RERE: variants seen among roughly 807,000 people sequenced by gnomAD.
RERE encodes arginine-glutamic acid dipeptide repeats protein.
RERE carries 40 observed loss-of-function variants against 146.1 expected under a neutral mutation model. The observed-to-expected ratio is 0.27, with a 90% CI of 0.21 to 0.36. RERE has a LOEUF of 0.36. Ranked by LOEUF, RERE falls within the 10% of genes least tolerant of loss-of-function variation. The probability of loss-of-function intolerance (pLI) is 1.00; values close to 1 mark genes in which losing one functional copy is unlikely to be tolerated. For synonymous variants in RERE, 1,003 were observed against 866.0 expected (o/e 1.16, Z -2.78); for missense variants, 1,933 against 2,138.7 (o/e 0.90, Z 1.90).
At chr1:8,578,472 T>C (rs1481878654) in intron 4 of RERE, among the ~76,000 whole-genome samples, 1 of 152,216 alleles carries the variant, frequency 6.6e-6, no homozygotes, top group African/African-American at 2.4e-5. Flanking sequence ...AATTCCATTA[T>C]GGTTTCTAAC....
chr1:8,759,571 C>A (rs543934751), intron 1 of RERE, among the ~76,000 whole-genome samples: 2 of 152,294 alleles, frequency 1.3e-5, no homozygotes, highest in South Asian at 4.1e-4. Context: ...TTTCTTCTCT[C>A]CTTTGGAGAA....
intron 2 of RERE, among the ~76,000 whole-genome samples, chr1:8,648,137 C>G (rs1647415688): frequency 6.6e-6 from 1 of 152,144 alleles, no homozygotes; most frequent in Non-Finnish European, 1.5e-5. Flanking sequence ...CTTCAAACAC[C>G]AAAGATTAGT....
At chr1:8,667,690 A>G (rs543171367) in intron 1 of RERE, among the ~76,000 whole-genome samples, 8 of 152,316 alleles carry the variant, frequency 5.3e-5, no homozygotes, top group African/African-American at 1.9e-4. Flanking sequence ...AAACAACAAC[A>G]ACAACAACAA....
intron 1 of RERE, among the ~76,000 whole-genome samples, chr1:8,740,190 T>C (rs1640280827): frequency 6.6e-6 from 1 of 152,318 alleles, no homozygotes; most frequent in East Asian, 1.9e-4. Flanking sequence ...CATCCTTGTG[T>C]GAACATGATA....
intron 1 of RERE, among the ~76,000 whole-genome samples, chr1:8,708,227 T>C (rs964503975): frequency 6.6e-6 from 1 of 152,214 alleles, no homozygotes; most frequent in Admixed American, 6.5e-5. Context: ...TGGAGATAAC[T>C]GAATCATGGG....
chr1:8,699,976 T>C (rs1639411944), intron 1 of RERE, among the ~76,000 whole-genome samples: 1 of 152,136 alleles, frequency 6.6e-6, no homozygotes, highest in Non-Finnish European at 1.5e-5. Context: ...CAGATTTCAA[T>C]CAAGTTTGTT....
chr1:8,500,595 CA>C (rs1170370059), intron 8 of RERE, among the ~76,000 whole-genome samples: 4 of 152,332 alleles, frequency 2.6e-5, no homozygotes, highest in African/African-American at 9.6e-5. Flanking sequence ...CTTGGCCCCC[CA>C]AAGTGCCGAG....
At chr1:8,750,150 C>CAAAAAAAAAAA (rs3045405) in intron 1 of RERE, among the ~76,000 whole-genome samples, 1 of 96,554 alleles carries the variant, frequency 1.0e-5, no homozygotes, top group African/African-American at 4.1e-5. Context: ...GCCTCTGTCT[C>CAAAAAAAAAAA]AAAAAAAAAA....
At chr1:8,385,974 A>G (rs1164400386) in intron 12 of RERE, among the ~76,000 whole-genome samples, 5 of 22,554 alleles carry the variant, frequency 2.2e-4, no homozygotes, top group Non-Finnish European at 3.2e-4. Flanking sequence ...GTCTTAAAAA[A>G]AAAAAAAAAA....
At chr1:8,505,243 C>T (rs556020991) in intron 8 of RERE, among the ~76,000 whole-genome samples, 1 of 152,284 alleles carries the variant, frequency 6.6e-6, no homozygotes, top group African/African-American at 2.4e-5. Flanking sequence ...AAGATACAGA[C>T]AGACAATTAG....
chr1:8,391,852 C>T (rs1009383624), intron 12 of RERE, among the ~76,000 whole-genome samples: 6 of 152,180 alleles, frequency 3.9e-5, no homozygotes, highest in Middle Eastern at 3.4e-3. Flanking sequence ...CCTGGCCAAC[C>T]CTGTCTCTAC....
intron 4 of RERE, among the ~76,000 whole-genome samples, chr1:8,575,227 T>C (rs995989329): frequency 1.3e-5 from 2 of 152,062 alleles, no homozygotes; most frequent in Non-Finnish European, 2.9e-5. Flanking sequence ...ATGTTAGTAA[T>C]AGAGTAGAAA....
chr1:8,599,603 G>A lies in RERE; in HGVS notation c.522+14958C>T, dbSNP rs1015145085. The stretch of plus-strand genomic sequence containing the variant: ...AGAGAATTATCTAAAGGGATTCACC[G>A]GCTACTGACTAATTTTAATATGAAA... On this transcript the variant is annotated intron_variant, in intron 4 of 22. Coordinates refer to ENST00000400908, the MANE Select transcript of RERE (RefSeq NM_001042681.2). 2.6e-5 allele frequency among the ~76,000 whole-genome samples: 4 copies of A among 152,096 alleles called. 1 individual carries two copies. In the South Asian group the frequency reaches 6.2e-4, roughly 24 times the overall value.
Position 8,359,873 on chromosome 1 carries a change from G to A in RERE, c.3509C>T (p.Ala1170Val). ...AKKREEAIEK[A>V]KREAEQKARE... The stretch of plus-strand genomic sequence containing the variant: ...GGCTTTCTGCTCAGCCTCGCGCTTG[G>A]CCTTCTCAATGGCCTCCTCCCTCTT... Residue 1170 changes from alanine to valine, a missense_variant, in exon 19 of 23, where the codon GCC becomes GTC. Ala to Val is a moderately conservative substitution (Grantham distance 64). Coordinates refer to ENST00000400908, the MANE Select transcript of RERE (RefSeq NM_001042681.2). 1.2e-6 allele frequency: 2 copies of A among 1,612,744 alleles called. No individual in the cohort carries two copies. The highest frequency in any genetic ancestry group is 1.6e-4 in the Middle Eastern group (1 of 6,062).
At chr1:8,681,798 T>C (rs1045850747) in intron 1 of RERE, among the ~76,000 whole-genome samples, 1 of 152,174 alleles carries the variant, frequency 6.6e-6, no homozygotes, top group African/African-American at 2.4e-5. Flanking sequence ...TAAAGAAGTT[T>C]AATCTTTAGT....
chr1:8,602,182 C>T (rs1054962519), intron 4 of RERE, among the ~76,000 whole-genome samples: 3 of 152,004 alleles, frequency 2.0e-5, no homozygotes, highest in African/African-American at 2.4e-5. Flanking sequence ...CAAGGTCAAG[C>T]GATCGAGACC....
chr1:8,728,489 C>G (rs1330013206), intron 1 of RERE, among the ~76,000 whole-genome samples: 1 of 151,274 alleles, frequency 6.6e-6, no homozygotes, highest in Non-Finnish European at 1.5e-5. Flanking sequence ...CTATTGAAAC[C>G]ATGTTTAGAG....
intron 12 of RERE, among the ~76,000 whole-genome samples, chr1:8,387,436 G>A (rs944055854): frequency 1.3e-5 from 2 of 152,126 alleles, no homozygotes; most frequent in African/African-American, 4.8e-5. Context: ...AAAGCTCAAA[G>A]TATAAAGGCT....
intron 1 of RERE, among the ~76,000 whole-genome samples, chr1:8,800,328 A>G (rs1364768026): frequency 6.6e-6 from 1 of 152,102 alleles, no homozygotes; most frequent in Non-Finnish European, 1.5e-5. Flanking sequence ...AGTAAATTTT[A>G]TAGCATGTGA....
Sources: allele counts gnomAD v4.1 joint callset (sites outside exome capture counted in the v4.1 genomes callset), GRCh38; gene constraint gnomAD v4.1.1; transcripts MANE v1.5; gene names NCBI Gene and HGNC (gene_info 2026-07-23, HGNC 2026-07-21).